MBOAT2: variants seen among roughly 807,000 people sequenced by gnomAD.
MBOAT2 encodes membrane-bound glycerophospholipid O-acyltransferase 2.
Under a neutral mutation model 63.4 loss-of-function variants are expected in MBOAT2, and 28 were observed. The ratio of observed to expected loss-of-function variants is 0.44; its 90% CI spans 0.33 to 0.61. The LOEUF (loss-of-function observed/expected upper bound fraction) is 0.61, where lower values mean the gene tolerates loss of function less well. Ranked by LOEUF, MBOAT2 falls within the 20% of genes least tolerant of loss-of-function variation. The probability of loss-of-function intolerance (pLI) is 0.03; values close to 1 mark genes in which losing one functional copy is unlikely to be tolerated. For synonymous variants in MBOAT2, 211 were observed against 215.6 expected (o/e 0.98, Z 0.19); for missense variants, 470 against 605.8 (o/e 0.78, Z 2.35).
In MBOAT2 at chr2:8,925,723, C is replaced by A. The variant is rs1666886256; in HGVS notation, c.300-17007G>T. On this transcript the variant is annotated intron_variant, in intron 3 of 12. Transcript: ENST00000305997. ...CAGTCCCCATCCTGAGTTTGAAGTC[C>A]AGTACAGGAGGCAAAGGCAAATGTG... Among the ~76,000 whole-genome samples, 4 of 152,176 alleles carry A rather than the reference C, an allele frequency of 2.6e-5. 1 individual carries two copies. The South Asian group carries it at 8.3e-4, about 32-fold the overall frequency.
At chr2:8,984,663 AG>A (rs903554198) in intron 1 of MBOAT2, among the ~76,000 whole-genome samples, 2 of 152,160 alleles carry the variant, frequency 1.3e-5, no homozygotes, top group African/African-American at 4.8e-5. Flanking sequence ...ATAAAGAACT[AG>A]GGGGGAGGGA....
At chr2:8,942,324 A>C (rs1240198163) in intron 3 of MBOAT2, among the ~76,000 whole-genome samples, 4 of 152,234 alleles carry the variant, frequency 2.6e-5, no homozygotes, top group African/African-American at 9.6e-5. Context: ...AGAATTCAGA[A>C]ATATGGTACC....
intron 1 of MBOAT2, among the ~76,000 whole-genome samples, chr2:8,971,701 C>T (rs1218649655): frequency 6.6e-6 from 1 of 152,140 alleles, no homozygotes; most frequent in East Asian, 1.9e-4. Context: ...GCAAAAATCA[C>T]GAGCATTCCT....
At chr2:9,002,937 A>G (rs1396445292) in intron 1 of MBOAT2, among the ~76,000 whole-genome samples, 1 of 152,182 alleles carries the variant, frequency 6.6e-6, no homozygotes, top group South Asian at 2.1e-4. Context: ...CCTTCCCACA[A>G]ACTGTTGCCT....
chr2:8,924,782 T>C (rs1406176344), intron 3 of MBOAT2, among the ~76,000 whole-genome samples: 1 of 152,114 alleles, frequency 6.6e-6, no homozygotes, highest in African/African-American at 2.4e-5. Context: ...CACTTAATTG[T>C]TCTTCACTAA....
At chr2:9,002,877 G>T (rs768619161) in intron 1 of MBOAT2, among the ~76,000 whole-genome samples, 7 of 152,188 alleles carry the variant, frequency 4.6e-5, no homozygotes, top group Non-Finnish European at 8.8e-5. Context: ...TTGCCACTTT[G>T]TCAGCAAGAA....
chr2:8,864,408 GACAAGTTTATTTA>G (rs1232464609), intron 9 of MBOAT2, among the ~76,000 whole-genome samples, 174 bp from the exon 10 acceptor site: 116 of 152,090 alleles, frequency 7.6e-4, no homozygotes, highest in African/African-American at 2.7e-3. Context: ...TTCTACGTAA[GACAAGTTTATTTA>G]TTGTTGGGAA....
In MBOAT2 at chr2:8,873,761, A is replaced by G. The variant is rs73149369; in HGVS notation, c.691-461T>C. Among the ~76,000 whole-genome samples, 826 of 152,308 alleles carry G rather than the reference A, an allele frequency of 5.4e-3. 3 individuals carry two copies. Among genetic ancestry groups the G allele is most frequent in the African/African-American group, 0.019 (805 of 41,564 alleles). Reference sequence around the variant, plus strand: ...CAATAAACAATCTATGCATCTCTGTAAATCTGAAAGTTAACACAACTTTGT... The same window carrying G: ...CAATAAACAATCTATGCATCTCTGTGAATCTGAAAGTTAACACAACTTTGT... On this transcript the variant is annotated intron_variant, in intron 7 of 12. Transcript: ENST00000305997.
At chr2:8,956,466 C>T (rs1487626091) in intron 2 of MBOAT2, among the ~76,000 whole-genome samples, 3 of 152,140 alleles carry the variant, frequency 2.0e-5, no homozygotes, top group African/African-American at 4.8e-5. Flanking sequence ...TTTGGGAAGT[C>T]GAGCTGGGCA....
intron 1 of MBOAT2, among the ~76,000 whole-genome samples, chr2:8,977,988 T>C (rs1191066806): frequency 2.6e-5 from 4 of 152,094 alleles, no homozygotes; most frequent in African/African-American, 7.2e-5. Context: ...ATCTGGACAA[T>C]AGCTCTTTAA....
chr2:8,892,450 T>G (rs113714757), intron 4 of MBOAT2, among the ~76,000 whole-genome samples: 2,784 of 152,342 alleles, frequency 0.018, 31 homozygotes, highest in Middle Eastern at 0.037. Context: ...ATTCATTTAC[T>G]TACTGCTTCA....
intron 7 of MBOAT2, among the ~76,000 whole-genome samples, chr2:8,874,712 G>C (rs1261906744): frequency 1.3e-5 from 2 of 152,112 alleles, no homozygotes; most frequent in Non-Finnish European, 2.9e-5. Flanking sequence ...AAAAACCAAA[G>C]AGCCCCAGAG....
chr2:8,960,146 A>T (rs958152346), intron 1 of MBOAT2, among the ~76,000 whole-genome samples: 9 of 152,064 alleles, frequency 5.9e-5, no homozygotes, highest in African/African-American at 2.2e-4. Flanking sequence ...TTCTAATGGC[A>T]TTTTTTTTAA....
chr2:8,922,424 A>C (rs572090747), intron 3 of MBOAT2, among the ~76,000 whole-genome samples: 1 of 152,270 alleles, frequency 6.6e-6, no homozygotes, highest in South Asian at 2.1e-4. Flanking sequence ...CATGACAGTA[A>C]CTCTGGATTT....
intron 1 of MBOAT2, among the ~76,000 whole-genome samples, chr2:8,993,842 CTA>C (rs1672083060): frequency 6.6e-6 from 1 of 152,166 alleles, no homozygotes; most frequent in South Asian, 2.1e-4. Flanking sequence ...GAACACTCTC[CTA>C]GGCTCTGAAG....
rs1572897939 is a variant in MBOAT2 at position 8,858,493 on chromosome 2, G to C, written c.*186C>G. ...ATTCTTACATAAGGCGTGGCCCACGGAGACATGGCATGGGAGGGCTTGTTT... is the reference window on the plus strand; with the variant it reads ...ATTCTTACATAAGGCGTGGCCCACGCAGACATGGCATGGGAGGGCTTGTTT... On this transcript the variant is annotated 3_prime_UTR_variant, in exon 13 of 13. Transcript: ENST00000305997. The C allele has an allele frequency of 5.5e-6, 3 of 543,868 alleles. No homozygotes were observed. Among genetic ancestry groups the C allele is most frequent in the Non-Finnish European group, 9.7e-6 (3 of 309,112 alleles). 33.7% of individuals were successfully genotyped at this position (543,868 alleles called of 1,614,324 possible).
intron 3 of MBOAT2, among the ~76,000 whole-genome samples, chr2:8,918,420 T>A (rs1350827684): frequency 6.6e-6 from 1 of 152,114 alleles, no homozygotes; most frequent in Non-Finnish European, 1.5e-5. Context: ...CAGATCACCA[T>A]AACAGAGATA....
In MBOAT2 at chr2:8,853,673, G is replaced by A. The variant is rs1382905852; in HGVS notation, c.*5006C>T. On this transcript the variant is annotated 3_prime_UTR_variant, in exon 13 of 13. Coordinates refer to ENST00000305997, the MANE Select transcript of MBOAT2 (RefSeq NM_138799.4). ...GATTTGATAAAACATGGCTGGAGAT[G>A]GCTATGAATCGCTGAGTAAGCTTCA... 6.6e-6 allele frequency: 1 copy of A among 152,170 alleles called. No individual in the cohort carries two copies. Among genetic ancestry groups the A allele is most frequent in the Non-Finnish European group, 1.5e-5 (1 of 68,038 alleles). The allele number at this position is 152,170 out of a possible 1,614,324, so 9.4% of individuals were successfully genotyped here. A position where few individuals can be genotyped will look rare whatever the true frequency, so the allele number is the denominator to read the frequency against.
chr2:8,967,950 A>T (rs1363484540), intron 1 of MBOAT2, among the ~76,000 whole-genome samples: 1 of 152,200 alleles, frequency 6.6e-6, no homozygotes, highest in Non-Finnish European at 1.5e-5. Context: ...GAATAGGAAC[A>T]GCTCCAGTCT....
Sources: allele counts gnomAD v4.1 joint callset (sites outside exome capture counted in the v4.1 genomes callset), GRCh38; gene constraint gnomAD v4.1.1; transcripts MANE v1.5; gene names NCBI Gene and HGNC (gene_info 2026-07-23, HGNC 2026-07-21).